FGGY: variants seen among roughly 807,000 people sequenced by gnomAD.
The protein encoded by FGGY is FGGY carbohydrate kinase domain containing.
A neutral mutation model predicts 71.3 loss-of-function variants in FGGY; 72 were observed. The observed-to-expected ratio is 1.01, with a 90% CI of 0.84 to 1.23. The LOEUF is 1.23. Among genes scored for constraint, FGGY ranks in the 50% most tolerant of loss-of-function variants. The probability of loss-of-function intolerance (pLI) is 0.00; values close to 1 mark genes in which losing one functional copy is unlikely to be tolerated. For synonymous variants in FGGY, 251 were observed against 250.3 expected, an observed-to-expected ratio of 1.00 and a Z score of -0.02; for missense variants, 668 against 682.3, an observed-to-expected ratio of 0.98 and a Z score of 0.23.
At position 59,582,202 on chromosome 1, in the gene FGGY, T is replaced by C. The variant is rs942619950; in HGVS notation, c.904-25601T>C. On this transcript the variant is annotated intron_variant, in intron 8 of 15. Coordinates refer to ENST00000303721, the MANE Select transcript of FGGY (RefSeq NM_018291.5). ...AATTTGAGGCTGCAGTGAGCCATGA[T>C]CATGCCCACTGCATTCCAGCCTGAG... Among the ~76,000 whole-genome samples the C allele has an allele frequency of 5.3e-4, 79 of 149,648 alleles. 3 individuals carry two copies. Among genetic ancestry groups the C allele is most frequent in the Non-Finnish European group, 1.5e-4 (10 of 67,894 alleles).
intron 7 of FGGY, among the ~76,000 whole-genome samples, chr1:59,539,434 G>A (rs545378781): frequency 1.4e-4 from 22 of 152,136 alleles, no homozygotes; most frequent in Admixed American, 1.4e-3. Flanking sequence ...AGATTAAGGA[G>A]CCCAGAAACA....
At chr1:59,673,448 A>G (rs1284762375) in intron 13 of FGGY, among the ~76,000 whole-genome samples, 1 of 152,196 alleles carries the variant, frequency 6.6e-6, no homozygotes, top group Non-Finnish European at 1.5e-5. Flanking sequence ...GGAGGATATC[A>G]GAGAGGGAGA....
At chr1:59,345,742 T>G (rs1191908277) in intron 3 of FGGY, among the ~76,000 whole-genome samples, 1 of 151,652 alleles carries the variant, frequency 6.6e-6, no homozygotes, top group Non-Finnish European at 1.5e-5. Context: ...CTACATAAAC[T>G]AATTTTAATT....
chr1:59,699,494 T>C, intron 14 of FGGY: 1 of 754,470 alleles, frequency 1.3e-6, no homozygotes, highest in Non-Finnish European at 1.6e-6. Flanking sequence ...CTCTGCTCTT[T>C]TGCCATGGAT....
chr1:59,612,691 C>T (rs1196096264), intron 9 of FGGY, among the ~76,000 whole-genome samples: 3 of 152,176 alleles, frequency 2.0e-5, no homozygotes, highest in Non-Finnish European at 4.4e-5. Context: ...AATTGAAAGA[C>T]ACAGACTGGC....
intron 6 of FGGY, among the ~76,000 whole-genome samples, chr1:59,500,102 A>G (rs2094178109): frequency 6.6e-6 from 1 of 152,162 alleles, no homozygotes; most frequent in Non-Finnish European, 1.5e-5. Context: ...TGTCAGGACA[A>G]CGGCATAGAA....
At chr1:59,535,314 G>A (rs961262859) in intron 7 of FGGY, among the ~76,000 whole-genome samples, 21 of 152,224 alleles carry the variant, frequency 1.4e-4, no homozygotes, top group Middle Eastern at 3.4e-3. Flanking sequence ...CAATACAGGA[G>A]CACCCAGATT....
At chr1:59,310,846 T>C (rs1470386153) in intron 1 of FGGY, among the ~76,000 whole-genome samples, 2 of 152,250 alleles carry the variant, frequency 1.3e-5, no homozygotes, top group Non-Finnish European at 2.9e-5. Context: ...GCTAGAACTC[T>C]GCAGAGGAAG....
At chr1:59,346,593 A>G (rs2051970615) in intron 4 of FGGY, among the ~76,000 whole-genome samples, 195 bp downstream of exon 4, 1 of 152,156 alleles carries the variant, frequency 6.6e-6, no homozygotes, top group Non-Finnish European at 1.5e-5. Flanking sequence ...AACTCATACT[A>G]GGCACTGTGA....
chr1:59,497,374 G>A (rs1005648968), intron 6 of FGGY, among the ~76,000 whole-genome samples: 4 of 152,190 alleles, frequency 2.6e-5, no homozygotes, highest in African/African-American at 9.7e-5. Flanking sequence ...ATCAGCTGAG[G>A]TCAGGAGTTT....
intron 3 of FGGY, among the ~76,000 whole-genome samples, chr1:59,345,752 TAA>T (rs2051741043): frequency 1.3e-5 from 2 of 152,064 alleles, no homozygotes; most frequent in Admixed American, 1.3e-4. Context: ...TAATTTTAAT[TAA>T]AGTGACCAGA....
At chr1:59,640,958 T>TAAAC (rs2097019559) in intron 11 of FGGY, among the ~76,000 whole-genome samples, 8 of 150,654 alleles carry the variant, frequency 5.3e-5, no homozygotes, top group Admixed American at 5.3e-4. Context: ...ACAAAATATA[T>TAAAC]AAACAGGGAA....
intron 2 of FGGY, among the ~76,000 whole-genome samples, chr1:59,336,818 A>G (rs1417612739): frequency 6.6e-6 from 1 of 151,990 alleles, no homozygotes; most frequent in African/African-American, 2.4e-5. Flanking sequence ...CCATCTGAAC[A>G]ATGTTGAATT....
At chr1:59,570,096 G>C (rs2153732850) in intron 8 of FGGY, among the ~76,000 whole-genome samples, 1 of 152,188 alleles carries the variant, frequency 6.6e-6, no homozygotes, top group Admixed American at 6.5e-5. Flanking sequence ...AAATATACCT[G>C]GGTAACTGTT....
At position 59,740,726 on chromosome 1, in the gene FGGY, A is replaced by C. The variant is rs74087824; in HGVS notation, c.1513-17205A>C. On this transcript the variant is annotated intron_variant, in intron 14 of 15. Coordinates refer to ENST00000303721, the MANE Select transcript of FGGY (RefSeq NM_018291.5). ...ACTCTTTCATCTCCTACTGCCTCTA[A>C]CAGCCCACTTAATTCATTATCCATT... Among the ~76,000 whole-genome samples the C allele has an allele frequency of 9.7e-3, 1,472 of 152,340 alleles. 22 individuals carry two copies. Among genetic ancestry groups the C allele is most frequent in the African/African-American group, 0.034 (1,417 of 41,580 alleles).
intron 15 of FGGY, among the ~76,000 whole-genome samples, chr1:59,761,576 G>A (rs762443775): frequency 9.9e-5 from 15 of 152,090 alleles, no homozygotes; most frequent in Non-Finnish European, 1.5e-4. Flanking sequence ...AATTTGTCTC[G>A]GTTCCTATTA....
chr1:59,349,338 C>T (rs2052776643), intron 4 of FGGY, among the ~76,000 whole-genome samples: 1 of 152,048 alleles, frequency 6.6e-6, no homozygotes. Context: ...GATATATCAC[C>T]TTTTTTGGCA....
In FGGY at chr1:59,520,870, C is replaced by A. The variant is rs549333790; in HGVS notation, c.799+8431C>A. Among the ~76,000 whole-genome samples, 33 of 152,210 alleles carry A rather than the reference C, an allele frequency of 2.2e-4. No homozygotes were observed. The East Asian group carries it at 6.4e-3, about 29-fold the overall frequency. Reference sequence around the variant, plus strand: ...GCACTGAGGACACTGGGGTCAGAAGCAGTATTGATGTGTTTCTGCCAAGTA... The same window carrying A: ...GCACTGAGGACACTGGGGTCAGAAGAAGTATTGATGTGTTTCTGCCAAGTA... On this transcript the variant is annotated intron_variant, in intron 7 of 15. Transcript: ENST00000303721.
intron 2 of FGGY, among the ~76,000 whole-genome samples, chr1:59,339,551 G>A (rs1388583872): frequency 3.3e-5 from 5 of 151,488 alleles, no homozygotes; most frequent in Non-Finnish European, 7.4e-5. Context: ...TGTAACCTCC[G>A]TCTCCCAGGT....
Sources: gnomAD v4.1 joint callset for allele counts (sites outside exome capture counted in the v4.1 genomes callset) on GRCh38, gnomAD v4.1.1 for gene constraint, MANE v1.5 for transcripts, NCBI Gene and HGNC (gene_info 2026-07-23, HGNC 2026-07-21) for gene names.